The following KCTD7 variants were observed in gnomAD, a reference collection of about 807,000 sequenced individuals.
KCTD7 encodes the protein potassium channel tetramerization domain containing 7, also known as BTB/POZ domain-containing protein KCTD7.
Under a neutral mutation model 27.0 loss-of-function variants are expected in KCTD7, and 15 were observed. The observed-to-expected ratio is 0.56, with a 90% CI of 0.37 to 0.86. The LOEUF (loss-of-function observed/expected upper bound fraction) is 0.86. Ranked by LOEUF, KCTD7 falls within the 40% of genes least tolerant of loss-of-function variation. The probability of loss-of-function intolerance (pLI) is 0.00; values close to 1 mark genes in which losing one functional copy is unlikely to be tolerated. For missense variants in KCTD7, 299 were observed against 398.9 expected, an observed-to-expected ratio of 0.75 and a Z score of 2.13; for synonymous variants, 159 against 162.7, an observed-to-expected ratio of 0.98 and a Z score of 0.17.
Position 66,641,975 on chromosome 7 carries a change from T to TG in KCTD7, c.*2744dup, listed in dbSNP as rs1467707363. On this transcript the variant is annotated 3_prime_UTR_variant, in exon 4 of 4. Transcript: ENST00000639828. ...AGGAAGTGCATCTTTATAGAATTGT[T>TG]GTGCATAATGTCAGTAAATCCCTCT... The TG allele has an allele frequency of 2.0e-6, 2 of 985,312 alleles. No homozygotes were observed. Among genetic ancestry groups the TG allele is most frequent in the African/African-American group, 3.5e-5 (2 of 57,232 alleles). 61.0% of individuals were successfully genotyped at this position (985,312 alleles called of 1,614,324 possible).
chr7:66,639,335 C>G lies in KCTD7; in HGVS notation c.*103C>G. The G allele has an allele frequency of 6.3e-7, 1 of 1,586,300 alleles. No homozygotes were observed. Among genetic ancestry groups the G allele is most frequent in the Non-Finnish European group, 8.5e-7 (1 of 1,173,344 alleles). On this transcript the variant is annotated 3_prime_UTR_variant, in exon 4 of 4. Coordinates refer to ENST00000639828, the MANE Select transcript of KCTD7 (RefSeq NM_153033.5). ...GGGCTGCTGACTGCCCCAGAATCTG[C>G]CGAGGTGAGAACAGCATCCTGAGGC...
At chr7:66,634,306 GC>G (rs1363430870) in intron 2 of KCTD7, among the ~76,000 whole-genome samples, 4 of 151,398 alleles carry the variant, frequency 2.6e-5, no homozygotes, top group African/African-American at 7.3e-5. Flanking sequence ...TCCCACCTTG[GC>G]CTCCTAAAAT....
chr7:66,633,551 A>G lies in KCTD7; in HGVS notation c.314+107A>G, dbSNP rs1786505648. 5.5e-6 allele frequency: 6 copies of G among 1,081,804 alleles called. No homozygotes were observed. In the East Asian group the frequency reaches 9.8e-5, roughly 18 times the overall value. The allele number at this position is 1,081,804 out of a possible 1,614,324, so 67.0% of individuals were successfully genotyped here. On this transcript the variant is annotated intron_variant, in intron 2 of 3. Transcript: ENST00000639828. ...CATAGTACCTAGAAGAGGAGATAGC[A>G]TATTGATGAAATTTAATAAATGGGT...
intron 1 of KCTD7, among the ~76,000 whole-genome samples, chr7:66,632,809 C>T (rs1251784483): frequency 2.0e-5 from 3 of 151,552 alleles, no homozygotes; most frequent in Non-Finnish European, 2.9e-5. Flanking sequence ...TTTGGGAGGC[C>T]GAGGCAGGTG....
chr7:66,642,359 T>A lies in KCTD7; in HGVS notation c.*3127T>A, dbSNP rs1725651908. ...TGTTCTTCTTTCCTGGGGCTTAGGA[T>A]ATTCTGGGAGCTGTCTGAGCCTTGT... On this transcript the variant is annotated 3_prime_UTR_variant, in exon 4 of 4. Coordinates refer to ENST00000639828, the MANE Select transcript of KCTD7 (RefSeq NM_153033.5). The A allele has an allele frequency of 3.0e-6, 3 of 985,470 alleles. No homozygotes were observed. Among genetic ancestry groups the A allele is most frequent in the Non-Finnish European group, 3.6e-6 (3 of 829,942 alleles). 61.0% of individuals were successfully genotyped at this position (985,470 alleles called of 1,614,324 possible).
chr7:66,638,221 C>A, intron 2 of KCTD7, 32 bp from the exon 3 acceptor site: 1 of 1,613,568 alleles, frequency 6.2e-7, no homozygotes, highest in South Asian at 1.1e-5. Flanking sequence ...GCATAAGCTC[C>A]TTGTCACCGA....
At chr7:66,637,094 G>A (rs1278954527) in intron 2 of KCTD7, among the ~76,000 whole-genome samples, 1 of 152,146 alleles carries the variant, frequency 6.6e-6, no homozygotes, top group East Asian at 1.9e-4. Context: ...TCTTTTGTTT[G>A]TTTGTTTTTG....
intron 2 of KCTD7, among the ~76,000 whole-genome samples, chr7:66,635,411 C>G (rs1786563795): frequency 6.6e-6 from 1 of 152,184 alleles, no homozygotes; most frequent in South Asian, 2.1e-4. Context: ...GACTTTATGT[C>G]TCAGGGGTTC....
rs886062426 is a variant in KCTD7, at chr7:66,642,100, C to T, written c.*2868C>T. 5.1e-6 allele frequency: 5 copies of T among 985,300 alleles called. No individual in the cohort carries two copies. Among genetic ancestry groups the T allele is most frequent in the Non-Finnish European group, 6.0e-6 (5 of 829,926 alleles). 61.0% of individuals were successfully genotyped at this position (985,300 alleles called of 1,614,324 possible). On this transcript the variant is annotated 3_prime_UTR_variant, in exon 4 of 4. Coordinates refer to ENST00000639828, the MANE Select transcript of KCTD7 (RefSeq NM_153033.5). Reference sequence around the variant, plus strand: ...GTTTCAGGAGATGGGACCAATGGTGCAATGCTCGCCATAACAAAATTCCTT... The same window carrying T: ...GTTTCAGGAGATGGGACCAATGGTGTAATGCTCGCCATAACAAAATTCCTT...
rs1301331706 is a variant in KCTD7 at position 66,640,601 on chromosome 7, GATTT to G, written c.*1370_*1373del. ...ACCTGTCTCTTCCTGGGTAAAGGGA[GATTT>G]TTTTTTTTAATGTGTAAAGAATTGA... On this transcript the variant is annotated 3_prime_UTR_variant, in exon 4 of 4. Transcript: ENST00000639828. 1 of 1,380,866 alleles carries G rather than the reference GATTT, an allele frequency of 7.2e-7. No homozygotes were observed. The highest frequency in any genetic ancestry group is 2.8e-5 in the East Asian group (1 of 36,310). 85.5% of individuals were successfully genotyped at this position (1,380,866 alleles called of 1,614,324 possible). A position where few individuals can be genotyped will look rare whatever the true frequency, so the allele number is the denominator to read the frequency against.
At chr7:66,631,794 C>G (rs1428081599) in intron 1 of KCTD7, among the ~76,000 whole-genome samples, 1 of 152,104 alleles carries the variant, frequency 6.6e-6, no homozygotes, top group Non-Finnish European at 1.5e-5. Flanking sequence ...TCACTCAGCC[C>G]TTACCTCCAG....
chr7:66,629,097 CCGT>C lies in KCTD7; in HGVS notation c.38_40del (p.Arg13del). 6.5e-7 allele frequency: 1 copy of C among 1,536,554 alleles called. No homozygotes were observed. Among genetic ancestry groups the C allele is most frequent in the Non-Finnish European group, 8.7e-7 (1 of 1,143,698 alleles). On this transcript the variant is annotated inframe_deletion, in exon 1 of 4. Transcript: ENST00000639828. ...TAGTCACGGGGCGGGAGCCAGACAGCCGTCGTCAGGACGGTGCCATGTCCAGCT... is the reference window on the plus strand; with the variant it reads ...TAGTCACGGGGCGGGAGCCAGACAGCCGTCAGGACGGTGCCATGTCCAGCT...
intron 3 of KCTD7, 47 bp from the exon 4 acceptor site, chr7:66,638,809 G>A: frequency 6.2e-7 from 1 of 1,611,082 alleles, no homozygotes; most frequent in Non-Finnish European, 8.5e-7. Context: ...CTGCTGCCCT[G>A]TCCTGCCTCT....
chr7:66,639,811 C>A lies in KCTD7; in HGVS notation c.*579C>A. ...CAAAATGTGGAAAGACTTTTCTTTTCCTTCCGGAACATGTTCTTCACCACC... is the reference window on the plus strand; with the variant it reads ...CAAAATGTGGAAAGACTTTTCTTTTACTTCCGGAACATGTTCTTCACCACC... On this transcript the variant is annotated 3_prime_UTR_variant, in exon 4 of 4. Transcript: ENST00000639828. 8.0e-7 allele frequency: 1 copy of A among 1,248,820 alleles called. No individual in the cohort carries two copies. Among genetic ancestry groups the A allele is most frequent in the Non-Finnish European group, 1.0e-6 (1 of 997,618 alleles). The allele number at this position is 1,248,820 out of a possible 1,614,324, so 77.4% of individuals were successfully genotyped here.
In KCTD7 at chr7:66,641,251, C is replaced by G. The variant is rs1055297783; in HGVS notation, c.*2019C>G. ...TCTTGTATTGTTCTAAGAGAAAAGG[C>G]TTTCATTTTGGTTCTTCTGATTGGT... On this transcript the variant is annotated 3_prime_UTR_variant, in exon 4 of 4. Transcript: ENST00000639828. The G allele has an allele frequency of 9.1e-6, 9 of 985,180 alleles. No individual in the cohort carries two copies. The African/African-American group carries it at 1.6e-4, about 17-fold the overall frequency. 61.0% of individuals were successfully genotyped at this position (985,180 alleles called of 1,614,324 possible).
rs886062417 is a variant in KCTD7 at position 66,640,124 on chromosome 7, C to T, written c.*892C>T. ...GGCTGCTATCTCATGTGTTAGAATC[C>T]AGTTTGTGGTGAACCTCTTTGGAAG... On this transcript the variant is annotated 3_prime_UTR_variant, in exon 4 of 4. Coordinates refer to ENST00000639828, the MANE Select transcript of KCTD7 (RefSeq NM_153033.5). 1.3e-5 allele frequency: 17 copies of T among 1,337,536 alleles called. No homozygotes were observed. The East Asian group carries it at 4.5e-4, about 36-fold the overall frequency. 82.9% of individuals were successfully genotyped at this position (1,337,536 alleles called of 1,614,324 possible).
intron 2 of KCTD7, among the ~76,000 whole-genome samples, chr7:66,635,357 C>T (rs1786562598): frequency 1.3e-5 from 2 of 152,140 alleles, no homozygotes; most frequent in South Asian, 2.1e-4. Flanking sequence ...CAAAACCTTT[C>T]CCAAGAAAGG....
In KCTD7 at chr7:66,640,675, G is replaced by C; in HGVS notation, c.*1443G>C. 1 of 1,299,148 alleles carries C rather than the reference G, an allele frequency of 7.7e-7. No homozygotes were observed. Among genetic ancestry groups the C allele is most frequent in the Non-Finnish European group, 9.8e-7 (1 of 1,021,890 alleles). 80.5% of individuals were successfully genotyped at this position (1,299,148 alleles called of 1,614,324 possible). A position where few individuals can be genotyped will look rare whatever the true frequency, so the allele number is the denominator to read the frequency against. On this transcript the variant is annotated 3_prime_UTR_variant, in exon 4 of 4. Coordinates refer to ENST00000639828, the MANE Select transcript of KCTD7 (RefSeq NM_153033.5). Reference sequence around the variant, plus strand: ...TGTAGTCCCAGCTACTTGGGCACACGCCTGTAGTCCAGGCCACTCGAGCAC... The same window carrying C: ...TGTAGTCCCAGCTACTTGGGCACACCCCTGTAGTCCAGGCCACTCGAGCAC...
rs200130485 is a variant in KCTD7, at chr7:66,633,593, AT to A, written c.314+166del. The A allele has an allele frequency of 0.19, 110,641 of 597,180 alleles. 1 individual carries two copies. The highest frequency in any genetic ancestry group is 0.24 in the South Asian group (11,563 of 48,562). 37.0% of individuals were successfully genotyped at this position (597,180 alleles called of 1,614,324 possible). A position where few individuals can be genotyped will look rare whatever the true frequency, so the allele number is the denominator to read the frequency against. ...TAAATGGGTTTATTGAAAGAGATCA[AT>A]TTTTTTTTTTTTTTTTGCCAAAGGA... On this transcript the variant is annotated intron_variant, in intron 2 of 3. Transcript: ENST00000639828.
Sources: allele counts gnomAD v4.1 joint callset (sites outside exome capture counted in the v4.1 genomes callset), GRCh38; gene constraint gnomAD v4.1.1; transcripts MANE v1.5; gene names NCBI Gene and HGNC (gene_info 2026-07-23, HGNC 2026-07-21).